TAFA1: variants seen among roughly 807,000 people sequenced by gnomAD.
The protein encoded by TAFA1 is chemokine-like protein TAFA-1.
Under a neutral mutation model 18.5 loss-of-function variants are expected in TAFA1, and 4 were observed. That is an observed-to-expected ratio of 0.22 (90% CI 0.11 to 0.49). TAFA1 has a LOEUF of 0.49. TAFA1 is among the 20% of genes least tolerant of loss of function. The pLI, the probability that TAFA1 is intolerant of heterozygous loss-of-function variation, is 0.98. For missense variants in TAFA1, 147 were observed against 169.0 expected (o/e 0.87, Z 0.72); for synonymous variants, 56 against 55.2 (o/e 1.01, Z -0.06).
intron 2 of TAFA1, among the ~76,000 whole-genome samples, chr3:68,125,788 A>G (rs2065457529): frequency 6.6e-6 from 1 of 152,100 alleles, no homozygotes; most frequent in Admixed American, 6.5e-5. Context: ...CCTCGGGGTT[A>G]CTTCAATTAT....
intron 3 of TAFA1, among the ~76,000 whole-genome samples, chr3:68,511,528 G>T (rs188132515): frequency 2.0e-5 from 3 of 152,122 alleles, no homozygotes; most frequent in South Asian, 2.1e-4. Context: ...AGTGTGAACT[G>T]GGTAAATACC....
intron 3 of TAFA1, among the ~76,000 whole-genome samples, chr3:68,527,640 C>T (rs2073127209): frequency 6.6e-6 from 1 of 152,000 alleles, no homozygotes; most frequent in Admixed American, 6.6e-5. Flanking sequence ...TTATGCATCA[C>T]AACTTGTCAA....
chr3:68,206,755 C>T (rs2066531402), intron 2 of TAFA1, among the ~76,000 whole-genome samples: 2 of 151,916 alleles, frequency 1.3e-5, no homozygotes, highest in South Asian at 4.1e-4. Context: ...ACCTTAAGCC[C>T]AAGATAACTT....
chr3:68,354,053 C>A (rs931894626), intron 2 of TAFA1, among the ~76,000 whole-genome samples: 3 of 151,882 alleles, frequency 2.0e-5, no homozygotes, highest in Admixed American at 2.0e-4. Flanking sequence ...TACTAACTGA[C>A]CCTCGAGTTT....
intron 2 of TAFA1, among the ~76,000 whole-genome samples, chr3:68,098,790 C>T (rs966256494): frequency 7.2e-5 from 11 of 152,062 alleles, no homozygotes; most frequent in African/African-American, 1.2e-4. Flanking sequence ...CAACATGGTA[C>T]GGGTACAAAA....
chr3:68,202,375 C>G (rs917507519), intron 2 of TAFA1, among the ~76,000 whole-genome samples: 39 of 151,456 alleles, frequency 2.6e-4, no homozygotes, highest in African/African-American at 9.2e-4. Flanking sequence ...GGTATACTTT[C>G]ATTAATATGT....
At chr3:68,466,881 G>A (rs923517260) in intron 3 of TAFA1, among the ~76,000 whole-genome samples, 3 of 152,114 alleles carry the variant, frequency 2.0e-5, no homozygotes, top group African/African-American at 2.4e-5. Context: ...GGGTATCAGG[G>A]GAGACATCGC....
At chr3:68,120,171 C>CCCTT (rs2065373478) in intron 2 of TAFA1, among the ~76,000 whole-genome samples, 4 of 84,436 alleles carry the variant, frequency 4.7e-5, no homozygotes, top group East Asian at 3.7e-4. Context: ...CTCTTTCTTT[C>CCCTT]TCTTTCTTTC....
chr3:68,504,681 TCAC>T (rs1445222870), intron 3 of TAFA1, among the ~76,000 whole-genome samples: 1 of 151,966 alleles, frequency 6.6e-6, no homozygotes, highest in Admixed American at 6.6e-5. Context: ...TCTTATCCCC[TCAC>T]CACAAATTTA....
At chr3:68,349,448 G>T (rs1510354) in intron 2 of TAFA1, among the ~76,000 whole-genome samples, 1 of 151,748 alleles carries the variant, frequency 6.6e-6, no homozygotes, top group African/African-American at 2.4e-5. Context: ...AAAGTCCTAC[G>T]GCACCCATAT....
chr3:68,073,512 A>G (rs575346078), intron 2 of TAFA1, among the ~76,000 whole-genome samples: 2 of 152,350 alleles, frequency 1.3e-5, no homozygotes, highest in East Asian at 3.9e-4. Context: ...GAATAAATAT[A>G]GCACTATGAG....
chr3:68,440,007 A>G (rs1203374217), intron 3 of TAFA1, among the ~76,000 whole-genome samples: 1 of 151,996 alleles, frequency 6.6e-6, no homozygotes, highest in East Asian at 1.9e-4. Context: ...CAACACTTAA[A>G]TGCCAATATG....
chr3:68,326,016 A>T (rs2068772199), intron 2 of TAFA1, among the ~76,000 whole-genome samples: 1 of 152,202 alleles, frequency 6.6e-6, no homozygotes, highest in South Asian at 2.1e-4. Flanking sequence ...TTTTGATCTT[A>T]GCTATTTATA....
intron 2 of TAFA1, among the ~76,000 whole-genome samples, chr3:68,126,415 C>T (rs1484040850): frequency 6.6e-6 from 1 of 152,206 alleles, no homozygotes; most frequent in Non-Finnish European, 1.5e-5. Flanking sequence ...TCAAAATCTT[C>T]CTTGGAGGGC....
At chr3:68,420,451 C>T (rs555943310) in intron 3 of TAFA1, among the ~76,000 whole-genome samples, 1 of 152,192 alleles carries the variant, frequency 6.6e-6, no homozygotes, top group East Asian at 1.9e-4. Flanking sequence ...AACTCCTGGG[C>T]TCAAGCAACC....
intron 2 of TAFA1, among the ~76,000 whole-genome samples, chr3:68,129,944 C>G (rs1402222158): frequency 6.6e-6 from 1 of 152,182 alleles, no homozygotes; most frequent in Non-Finnish European, 1.5e-5. Context: ...CTGATAAGTC[C>G]TGCAATGTAG....
intron 2 of TAFA1, among the ~76,000 whole-genome samples, chr3:68,076,666 C>A (rs1433784482): frequency 6.6e-6 from 1 of 152,266 alleles, no homozygotes; most frequent in Non-Finnish European, 1.5e-5. Context: ...TATAGTATTC[C>A]ATGGTGTATA....
intron 2 of TAFA1, among the ~76,000 whole-genome samples, chr3:68,407,871 A>G (rs1575840796): frequency 6.6e-6 from 1 of 152,258 alleles, no homozygotes; most frequent in Non-Finnish European, 1.5e-5. Flanking sequence ...TTTAATCTCA[A>G]GCATAAACAA....
chr3:68,544,462 ATGTC>A lies in TAFA1; in HGVS notation c.385-18_385-15del. ...TTCAGTTTGCACTGTTCTCCCTGAAATGTCTGTCTTTCTTTGGTTTCAGATTCAC... is the reference window on the plus strand; with the variant it reads ...TTCAGTTTGCACTGTTCTCCCTGAAATGTCTTTCTTTGGTTTCAGATTCAC... On this transcript the variant is annotated intron_variant, in intron 4 of 4. Transcript: ENST00000478136. The A allele has an allele frequency of 6.2e-7, 1 of 1,612,016 alleles. No homozygotes were observed. The highest frequency in any genetic ancestry group is 8.5e-7 in the Non-Finnish European group (1 of 1,178,732).
Sources: allele counts gnomAD v4.1 joint callset (sites outside exome capture counted in the v4.1 genomes callset), GRCh38; gene constraint gnomAD v4.1.1; transcripts MANE v1.5; gene names NCBI Gene and HGNC (gene_info 2026-07-23, HGNC 2026-07-21).